The following CTSH variants were observed in gnomAD, a reference collection of about 807,000 sequenced individuals.
The protein encoded by CTSH is pro-cathepsin H.
In CTSH, 52 loss-of-function variants were observed where a neutral mutation model predicts 56.3. The ratio of observed to expected loss-of-function variants is 0.92; its 90% CI spans 0.74 to 1.16. CTSH has a LOEUF of 1.16. Ranked by LOEUF, CTSH falls within the 50% of genes most tolerant of loss-of-function variation. The pLI, the probability that CTSH is intolerant of heterozygous loss-of-function variation, is 0.00. For missense variants in CTSH, 406 were observed against 424.5 expected (o/e 0.96, Z 0.38); for synonymous variants, 174 against 155.7 (o/e 1.12, Z -0.88).
At chr15:78,922,269 T>G in intron 11 of CTSH, 64 bp from the exon 12 acceptor site, 2 of 1,371,628 alleles carry the variant, frequency 1.5e-6, no homozygotes, top group South Asian at 2.5e-5. Context: ...TTCTAGAATG[T>G]TTTGCTGCTC....
intron 9 of CTSH, 37 bp from the exon 10 acceptor site, chr15:78,925,477 G>A (rs1332272963): frequency 2.2e-6 from 3 of 1,374,016 alleles, no homozygotes; most frequent in East Asian, 2.3e-5. Context: ...CACATGGCCT[G>A]TCACCTCCCC....
At chr15:78,944,439 A>G (rs1228637085) in intron 1 of CTSH, 1 of 154,296 alleles carries the variant, frequency 6.5e-6, no homozygotes, top group Non-Finnish European at 1.4e-5. Flanking sequence ...AGCCCGTCCA[A>G]CCTACTCTAC....
At chr15:78,927,619 G>A in intron 9 of CTSH, 94 bp downstream of exon 9, 1 of 1,070,380 alleles carries the variant, frequency 9.3e-7, no homozygotes, top group Non-Finnish European at 1.4e-6. Flanking sequence ...CTGCCAGAAG[G>A]GCTGCCTTGC....
chr15:78,937,844 T>C (rs1486608400), intron 2 of CTSH: 6 of 1,276,950 alleles, frequency 4.7e-6, no homozygotes, highest in Non-Finnish European at 6.1e-6. Flanking sequence ...ATGTGTATAA[T>C]TTTTTATTGA....
intron 9 of CTSH, 81 bp from the exon 10 acceptor site, chr15:78,925,521 T>C (rs2054885402): frequency 1.7e-5 from 16 of 949,564 alleles, no homozygotes; most frequent in Non-Finnish European, 2.7e-5. Context: ...TGCCTCAAGC[T>C]AGGGGCTAGA....
At chr15:78,943,472 C>T (rs757512726) in intron 1 of CTSH, among the ~76,000 whole-genome samples, 3 of 152,266 alleles carry the variant, frequency 2.0e-5, no homozygotes, top group East Asian at 1.9e-4. Context: ...TAAAGTGATC[C>T]GACTGCCTCG....
intron 8 of CTSH, among the ~76,000 whole-genome samples, chr15:78,928,594 G>A (rs1285755983): frequency 6.7e-6 from 1 of 149,088 alleles, no homozygotes; most frequent in African/African-American, 2.5e-5. Flanking sequence ...AAAAAAGAAG[G>A]GAGAGTAAAA....
chr15:78,928,559 C>T (rs565989062), intron 8 of CTSH, among the ~76,000 whole-genome samples: 73 of 107,044 alleles, frequency 6.8e-4, no homozygotes, highest in African/African-American at 3.0e-3. Flanking sequence ...AGCAAGACTC[C>T]GTCTCAAAAA....
chr15:78,936,956 G>A (rs943822021), intron 3 of CTSH: 3 of 193,640 alleles, frequency 1.5e-5, no homozygotes, highest in East Asian at 3.0e-4. Flanking sequence ...AAATTAATCC[G>A]GAGTGAAGGC....
At chr15:78,930,177 T>C (rs979395043) in intron 7 of CTSH, among the ~76,000 whole-genome samples, 6 of 152,216 alleles carry the variant, frequency 3.9e-5, no homozygotes, top group African/African-American at 1.2e-4. Context: ...CTCTGTGATA[T>C]TTGTTGTATG....
rs1596264383 is a variant in CTSH, at chr15:78,922,350, TC to T, written c.933-146del. The T allele has an allele frequency of 1.3e-5, 9 of 673,188 alleles. No homozygotes were observed. The East Asian group carries it at 2.2e-4, about 16-fold the overall frequency. 41.7% of individuals were successfully genotyped at this position (673,188 alleles called of 1,614,324 possible). On this transcript the variant is annotated intron_variant, in intron 11 of 11. Coordinates refer to ENST00000220166, the MANE Select transcript of CTSH (RefSeq NM_004390.5). ...AAACAGTAGCATTCGGCTTATTTGA[TC>T]ACCGGCAAATCACGGACCTGACTTT...
At chr15:78,924,484 G>A (rs992361731) in intron 10 of CTSH, among the ~76,000 whole-genome samples, 5 of 152,064 alleles carry the variant, frequency 3.3e-5, no homozygotes, top group Non-Finnish European at 7.4e-5. Flanking sequence ...AGTGAGTGAC[G>A]TTAACGGGCA....
intron 11 of CTSH, among the ~76,000 whole-genome samples, chr15:78,922,495 T>C (rs2141511713): frequency 6.6e-6 from 1 of 152,218 alleles, no homozygotes; most frequent in South Asian, 2.1e-4. Flanking sequence ...ACAGCTATTT[T>C]ATCACCAGGA....
At chr15:78,941,632 A>G (rs2055294414) in intron 1 of CTSH, among the ~76,000 whole-genome samples, 1 of 151,448 alleles carries the variant, frequency 6.6e-6, no homozygotes, top group African/African-American at 2.4e-5. Context: ...CTCTACTAAA[A>G]ATACAAAAAA....
intron 9 of CTSH, chr15:78,926,313 GC>G (rs2054902528): frequency 6.6e-6 from 1 of 152,472 alleles, no homozygotes; most frequent in Non-Finnish European, 1.5e-5. Context: ...GCAAGGGAGT[GC>G]CCTCCTTCCT....
chr15:78,939,198 C>T (rs769621170), intron 1 of CTSH, 27 bp from the exon 2 acceptor site: 1 of 1,571,944 alleles, frequency 6.4e-7, no homozygotes, highest in South Asian at 1.2e-5. Context: ...AAAATTAGGT[C>T]TGGGCGCATC....
intron 10 of CTSH, among the ~76,000 whole-genome samples, chr15:78,924,394 G>A (rs529876606): frequency 2.6e-5 from 4 of 152,118 alleles, no homozygotes; most frequent in Admixed American, 6.5e-5. Context: ...CAGTGTGTGG[G>A]GGGTTAGGGG....
intron 4 of CTSH, 44 bp from the exon 5 acceptor site, chr15:78,935,126 C>A: frequency 7.6e-7 from 1 of 1,314,262 alleles, no homozygotes; most frequent in Non-Finnish European, 1.1e-6. Flanking sequence ...TAAACAAAAC[C>A]AAAAACCTTT....
chr15:78,934,868 G>C (rs2055140375), intron 5 of CTSH, 110 bp downstream of exon 5: 1 of 765,658 alleles, frequency 1.3e-6, no homozygotes, highest in Non-Finnish European at 2.4e-6. Flanking sequence ...GGAAACAGAG[G>C]CAGGGATGTG....
Sources: allele counts gnomAD v4.1 joint callset (sites outside exome capture counted in the v4.1 genomes callset), GRCh38; gene constraint gnomAD v4.1.1; transcripts MANE v1.5; gene names NCBI Gene and HGNC (gene_info 2026-07-23, HGNC 2026-07-21).